The following SLC43A1 variants were observed in gnomAD, a reference collection of about 807,000 sequenced individuals.
SLC43A1 encodes the protein solute carrier family 43 member 1.
Under a neutral mutation model 59.5 loss-of-function variants are expected in SLC43A1, and 31 were observed. The observed-to-expected ratio is 0.52, with a 90% confidence interval of 0.39 to 0.70. SLC43A1 has a LOEUF of 0.70. Among genes scored for constraint, SLC43A1 ranks in the 30% least tolerant of loss-of-function variants. The probability of loss-of-function intolerance (pLI) is 0.00; values close to 1 mark genes in which losing one functional copy is unlikely to be tolerated. For synonymous variants in SLC43A1, 259 were observed against 290.9 expected, an observed-to-expected ratio of 0.89 and a Z score of 1.12; for missense variants, 598 against 717.8, an observed-to-expected ratio of 0.83 and a Z score of 1.91.
intron 2 of SLC43A1, 86 bp downstream of exon 2, chr11:57,513,872 C>T (rs2135236153): frequency 9.3e-7 from 1 of 1,069,726 alleles, no homozygotes; most frequent in East Asian, 2.6e-5. Context: ...TGCTTTCTGT[C>T]CACCTGGCCA....
Position 57,484,988 on chromosome 11 carries a change from C to T in SLC43A1, c.*108G>A, listed in dbSNP as rs1565120339. On this transcript the variant is annotated 3_prime_UTR_variant, in exon 15 of 15. Coordinates refer to ENST00000278426, the MANE Select transcript of SLC43A1 (RefSeq NM_003627.6). ...ACTTCTCTTGGTATTTATAAATCTA[C>T]GGCCATGGCTCTATGTGCATGTTAC... 1.1e-5 allele frequency: 14 copies of T among 1,245,588 alleles called. No homozygotes were observed. Among genetic ancestry groups the T allele is most frequent in the South Asian group, 6.9e-5 (4 of 58,266 alleles). 77.2% of individuals were successfully genotyped at this position (1,245,588 alleles called of 1,614,324 possible).
intron 13 of SLC43A1, 58 bp from the exon 14 acceptor site, chr11:57,487,276 C>T (rs145408164): frequency 1.3e-4 from 200 of 1,572,030 alleles, no homozygotes; most frequent in Middle Eastern, 2.1e-4. Flanking sequence ...CAGGCCAGCA[C>T]CTCTCCTATC....
intron 11 of SLC43A1, 135 bp from the exon 12 acceptor site, chr11:57,489,527 G>A (rs1943841729): frequency 8.6e-7 from 1 of 1,158,442 alleles, no homozygotes; most frequent in South Asian, 1.5e-5. Flanking sequence ...TGTTTCTATG[G>A]GAAACCCATA....
chr11:57,489,419 G>A (rs1943837270), intron 11 of SLC43A1, 27 bp from the exon 12 acceptor site: 1 of 1,612,670 alleles, frequency 6.2e-7, no homozygotes, highest in South Asian at 1.1e-5. Flanking sequence ...GTCACTGGCT[G>A]CTGCCTCTAC....
chr11:57,496,143 C>T lies in SLC43A1; in HGVS notation c.580G>A (p.Ala194Thr), dbSNP rs1163590911. The change falls in exon 7 of 15, where the codon GCC becomes ACC. Residue 194 changes from alanine to threonine, a missense_variant. Coordinates refer to ENST00000278426, the MANE Select transcript of SLC43A1 (RefSeq NM_003627.6). ...CAGGTGAACATGATGACCACGAAGG[C>T]CACACCGGCATCGTAGATCAGCTGT... ...GIKLIYDAGV[A>T]FVVIMFTWSG... 2 of 1,614,044 alleles carry T rather than the reference C, an allele frequency of 1.2e-6. No individual in the cohort carries two copies. The highest frequency in any genetic ancestry group is 3.3e-5 in the Admixed American group (2 of 60,012).
At position 57,497,805 on chromosome 11, in the gene SLC43A1, GC is replaced by G. The variant is rs542813456; in HGVS notation, c.505del (p.Ala169ProfsTer3). 2 of 1,613,662 alleles carry G rather than the reference GC, an allele frequency of 1.2e-6. No homozygotes were observed. Among genetic ancestry groups the G allele is most frequent in the Non-Finnish European group, 1.7e-6 (2 of 1,179,914 alleles). ...MFGNLRSTLM[A>X]LMIGSYASSA... ...AGAGGCGTAAGAGCCAATCATGAGG[GC>G]CATTAACGTGGAGCGCAGGTTCCCA... On this transcript the variant is annotated frameshift_variant, in exon 6 of 15. Transcript: ENST00000278426. LOFTEE classifies it high-confidence loss of function.
intron 2 of SLC43A1, among the ~76,000 whole-genome samples, chr11:57,509,889 C>T (rs949797321): frequency 6.6e-6 from 1 of 151,656 alleles, no homozygotes; most frequent in Non-Finnish European, 1.5e-5. Context: ...TAAAGGACAC[C>T]AAAAGAAAGT....
chr11:57,514,083 C>T lies in SLC43A1; in HGVS notation c.29G>A (p.Arg10Gln), dbSNP rs374006328. MAPTLQQAY[R>Q]RRWWMACTAV... ...CGTGCAGGCCATCCACCAGCGCCTC[C>T]GGTACGCCTGTTGCAGCGTGGGGGC... The change falls in exon 2 of 15, where the codon CGG becomes CAG. Residue 10 changes from arginine to glutamine, a missense_variant. By Grantham distance (43) the Arg-to-Gln change is conservative (BLOSUM62 1). Transcript: ENST00000278426. The surrounding 1 kb of genome is among the most constrained non-coding windows in gnomAD (Gnocchi z 5.5). 7 of 1,602,004 alleles carry T rather than the reference C, an allele frequency of 4.4e-6. No individual in the cohort carries two copies. Among genetic ancestry groups the T allele is most frequent in the African/African-American group, 1.3e-5 (1 of 74,694 alleles).
At chr11:57,503,412 C>T (rs1166069965) in intron 2 of SLC43A1, among the ~76,000 whole-genome samples, 5 of 151,490 alleles carry the variant, frequency 3.3e-5, no homozygotes, top group African/African-American at 9.7e-5. Context: ...TAGCCTTGAC[C>T]TCCCGAGTTC....
chr11:57,501,403 C>A, intron 2 of SLC43A1, 74 bp from the exon 3 acceptor site: 1 of 1,516,172 alleles, frequency 6.6e-7, no homozygotes, highest in South Asian at 1.1e-5. Context: ...AGCCCACAGT[C>A]AGGCGGCCTG....
At chr11:57,506,257 G>A (rs1944393144) in intron 2 of SLC43A1, among the ~76,000 whole-genome samples, 1 of 152,204 alleles carries the variant, frequency 6.6e-6, no homozygotes, top group Non-Finnish European at 1.5e-5. Flanking sequence ...GAGGTGGGAG[G>A]ATCACTTGAA....
intron 7 of SLC43A1, 43 bp from the exon 8 acceptor site, chr11:57,494,214 G>A (rs1468458934): frequency 1.3e-6 from 2 of 1,582,320 alleles, no homozygotes; most frequent in South Asian, 1.2e-5. Context: ...CAGTCACACA[G>A]AGCCCACCTT....
chr11:57,489,534 C>G, intron 11 of SLC43A1, 142 bp from the exon 12 acceptor site: 1 of 984,784 alleles, frequency 1.0e-6, no homozygotes, highest in East Asian at 2.5e-5. Flanking sequence ...ATGGGAAACC[C>G]ATAGAAACCC....
intron 2 of SLC43A1, among the ~76,000 whole-genome samples, chr11:57,505,119 T>C (rs1565139096): frequency 6.6e-6 from 1 of 152,238 alleles, no homozygotes; most frequent in Non-Finnish European, 1.5e-5. Context: ...TTTCCCAATA[T>C]GTGGTATGCA....
At chr11:57,491,107 C>T (rs1943883335) in intron 11 of SLC43A1, 117 bp downstream of exon 11, 4 of 1,285,882 alleles carry the variant, frequency 3.1e-6, no homozygotes, top group African/African-American at 1.5e-5. Flanking sequence ...GGGGAGGTAC[C>T]CCTGATCTCC....
intron 2 of SLC43A1, among the ~76,000 whole-genome samples, chr11:57,511,085 T>C (rs888516415): frequency 2.6e-5 from 4 of 152,142 alleles, no homozygotes; most frequent in African/African-American, 9.7e-5. Flanking sequence ...CCCTTGCAAC[T>C]GACCAGCAAT....
At chr11:57,512,305 G>A (rs1306013182) in intron 2 of SLC43A1, among the ~76,000 whole-genome samples, 1 of 152,074 alleles carries the variant, frequency 6.6e-6, no homozygotes, top group Non-Finnish European at 1.5e-5. Context: ...GTTACACAAG[G>A]GGTAGGCCAA....
intron 2 of SLC43A1, among the ~76,000 whole-genome samples, chr11:57,513,213 T>C (rs1944597262): frequency 6.6e-6 from 1 of 152,182 alleles, no homozygotes; most frequent in Non-Finnish European, 1.5e-5. Flanking sequence ...ACACAGAGGT[T>C]GGGGAAAGGG....
At chr11:57,493,964 C>T (rs1277575586) in intron 8 of SLC43A1, 29 bp downstream of exon 8, 1 of 1,552,688 alleles carries the variant, frequency 6.4e-7, no homozygotes, top group East Asian at 2.3e-5. Context: ...CACTATCCCC[C>T]AAGGCCGGCA....
Sources: gnomAD v4.1 joint callset for allele counts (sites outside exome capture counted in the v4.1 genomes callset) on GRCh38, gnomAD v4.1.1 for gene constraint, Gnocchi (gnomAD v3.1) non-coding constraint, MANE v1.5 for transcripts, NCBI Gene and HGNC (gene_info 2026-07-23, HGNC 2026-07-21) for gene names.